NCAM2: variants seen among roughly 807,000 people sequenced by gnomAD.
The protein encoded by NCAM2 is neural cell adhesion molecule 2.
A neutral mutation model predicts 98.1 loss-of-function variants in NCAM2; 30 were observed. That is an observed-to-expected ratio of 0.31 (90% CI 0.23 to 0.41). The LOEUF is 0.41. NCAM2 is among the 10% of genes least tolerant of loss of function. NCAM2 has a pLI of 1.00. For missense variants in NCAM2, 867 were observed against 1,005.8 expected (o/e 0.86, Z 1.87); for synonymous variants, 368 against 342.4 (o/e 1.07, Z -0.83).
chr21:21,013,680 C>A (rs144576919), intron 1 of NCAM2, among the ~76,000 whole-genome samples: 69 of 151,844 alleles, frequency 4.5e-4, no homozygotes, highest in African/African-American at 1.5e-3. Context: ...ACTTGGGAGG[C>A]TGAGGCAGGA....
At position 21,269,485 on chromosome 21, in the gene NCAM2, G is replaced by A. The variant is rs568718818; in HGVS notation, c.56-11093G>A. 4.6e-5 allele frequency among the ~76,000 whole-genome samples: 7 copies of A among 152,202 alleles called. No individual in the cohort carries two copies. The South Asian group carries it at 6.2e-4, about 14-fold the overall frequency. On this transcript the variant is annotated intron_variant, in intron 1 of 17. Coordinates refer to ENST00000400546, the MANE Select transcript of NCAM2 (RefSeq NM_004540.5). ...AGATATTTCTTTGATTATAGATGTCGATTTTATTTGGGTAATCACTGTTAC... is the reference window on the plus strand; with the variant it reads ...AGATATTTCTTTGATTATAGATGTCAATTTTATTTGGGTAATCACTGTTAC...
intron 7 of NCAM2, 48 bp from the exon 8 acceptor site, chr21:21,338,341 T>A (rs1568950830): frequency 6.5e-7 from 1 of 1,545,690 alleles, no homozygotes; most frequent in Admixed American, 1.7e-5. Flanking sequence ...GTCTGAGAAG[T>A]AATATTTTCC....
intron 1 of NCAM2, among the ~76,000 whole-genome samples, chr21:21,097,167 C>A (rs1255169292): frequency 6.6e-6 from 1 of 151,648 alleles, no homozygotes; most frequent in Non-Finnish European, 1.5e-5. Flanking sequence ...CCCTTCTGCA[C>A]GTGAATTGAA....
At chr21:21,201,738 T>C (rs1336654726) in intron 1 of NCAM2, among the ~76,000 whole-genome samples, 2 of 152,206 alleles carry the variant, frequency 1.3e-5, no homozygotes, top group Non-Finnish European at 2.9e-5. Flanking sequence ...AGCTGCACGA[T>C]TGAATCCTTT....
chr21:21,325,040 T>C (rs2074477938), intron 6 of NCAM2, among the ~76,000 whole-genome samples: 1 of 152,134 alleles, frequency 6.6e-6, no homozygotes, highest in South Asian at 2.1e-4. Flanking sequence ...ATAGTTTATT[T>C]TTTTAGAATT....
intron 16 of NCAM2, among the ~76,000 whole-genome samples, chr21:21,527,014 A>T (rs182939925): frequency 6.6e-6 from 1 of 152,346 alleles, no homozygotes; most frequent in East Asian, 1.9e-4. Flanking sequence ...AAAAAATTAT[A>T]AAACTACTAG....
chr21:21,245,959 A>G (rs73318605), intron 1 of NCAM2, among the ~76,000 whole-genome samples: 1,905 of 152,316 alleles, frequency 0.013, 47 homozygotes, highest in African/African-American at 0.044. Flanking sequence ...TAAATTTTGG[A>G]TACCTGTCTT....
intron 8 of NCAM2, among the ~76,000 whole-genome samples, chr21:21,346,208 C>CAA (rs57663409): frequency 0.01 from 1,163 of 112,482 alleles, 14 homozygotes; most frequent in Non-Finnish European, 0.016. Flanking sequence ...CAACTGAAAC[C>CAA]AAAAAAAAAA....
intron 1 of NCAM2, among the ~76,000 whole-genome samples, chr21:21,237,949 C>CTTATTTTTTT (rs2070902261): frequency 8.7e-6 from 1 of 114,488 alleles, no homozygotes; most frequent in African/African-American, 3.5e-5. Flanking sequence ...CATTGTAATT[C>CTTATTTTTTT]TTTTTTTTTT....
chr21:21,042,476 G>A (rs372339854), intron 1 of NCAM2, among the ~76,000 whole-genome samples: 2 of 152,046 alleles, frequency 1.3e-5, no homozygotes, highest in Admixed American at 6.6e-5. Context: ...GAACCACTGC[G>A]CCTGACCTTC....
At chr21:21,133,173 AC>A (rs1727390427) in intron 1 of NCAM2, among the ~76,000 whole-genome samples, 1 of 152,222 alleles carries the variant, frequency 6.6e-6, no homozygotes, top group African/African-American at 2.4e-5. Flanking sequence ...AAGCTACAGT[AC>A]AAACAAATAG....
At chr21:21,469,543 GT>G (rs1984160363) in intron 14 of NCAM2, among the ~76,000 whole-genome samples, 1 of 151,884 alleles carries the variant, frequency 6.6e-6, no homozygotes, top group Admixed American at 6.6e-5. Context: ...TACAACATGC[GT>G]TTTATGCTTA....
chr21:21,266,941 A>G (rs926398145), intron 1 of NCAM2, among the ~76,000 whole-genome samples: 2 of 152,146 alleles, frequency 1.3e-5, no homozygotes, highest in African/African-American at 4.8e-5. Flanking sequence ...GGTTTGTTGC[A>G]CAGGTAAACT....
intron 5 of NCAM2, among the ~76,000 whole-genome samples, chr21:21,312,913 T>G (rs1381519495): frequency 6.6e-6 from 1 of 151,800 alleles, no homozygotes; most frequent in Non-Finnish European, 1.5e-5. Flanking sequence ...CTTTAATAAT[T>G]ATAGGATTGT....
At chr21:21,506,948 G>A (rs555788199) in intron 15 of NCAM2, among the ~76,000 whole-genome samples, 87 of 151,958 alleles carry the variant, frequency 5.7e-4, no homozygotes, top group Non-Finnish European at 1.1e-3. Context: ...CTCATTTGCC[G>A]TATCATGATG....
chr21:21,519,594 T>A lies in NCAM2; in HGVS notation c.2282+10539T>A, dbSNP rs1160357149. ...TTTGTTAATTTGTCCACCACACCTC[T>A]GTTTTTAAAACCTGCTGAGTTTAAT... On this transcript the variant is annotated intron_variant, in intron 16 of 17. Transcript: ENST00000400546. Among the ~76,000 whole-genome samples, 4 of 152,042 alleles carry A rather than the reference T, an allele frequency of 2.6e-5. No individual in the cohort carries two copies. In the East Asian group the frequency reaches 7.7e-4, roughly 29 times the overall value.
intron 1 of NCAM2, among the ~76,000 whole-genome samples, chr21:21,202,775 A>G (rs1376326777): frequency 1.3e-5 from 2 of 152,160 alleles, no homozygotes; most frequent in Non-Finnish European, 2.9e-5. Flanking sequence ...ACTTAAAACA[A>G]ATAAATTAGG....
At chr21:21,152,739 G>T (rs1246353963) in intron 1 of NCAM2, among the ~76,000 whole-genome samples, 1 of 151,870 alleles carries the variant, frequency 6.6e-6, no homozygotes, top group African/African-American at 2.4e-5. Flanking sequence ...AGCAACCTGA[G>T]TTCTGGTAGC....
At chr21:21,447,702 AAAAC>A (rs1310570064) in intron 12 of NCAM2, among the ~76,000 whole-genome samples, 3 of 152,164 alleles carry the variant, frequency 2.0e-5, no homozygotes, top group African/African-American at 7.2e-5. Flanking sequence ...TTACAAGAAA[AAAAC>A]AAACAACCCC....
Sources: gnomAD v4.1 joint callset for allele counts (sites outside exome capture counted in the v4.1 genomes callset) on GRCh38, gnomAD v4.1.1 for gene constraint, MANE v1.5 for transcripts, NCBI Gene and HGNC (gene_info 2026-07-23, HGNC 2026-07-21) for gene names.